BMERB1: variants seen among roughly 807,000 people sequenced by gnomAD.
BMERB1 encodes bMERB domain-containing protein 1.
Under a neutral mutation model 23.6 loss-of-function variants are expected in BMERB1, and 12 were observed. The ratio of observed to expected loss-of-function variants is 0.51; its 90% CI spans 0.33 to 0.82. BMERB1 has a LOEUF of 0.82. BMERB1 is among the 40% of genes least tolerant of loss of function. The pLI, the probability that BMERB1 is intolerant of heterozygous loss-of-function variation, is 0.03. For synonymous variants in BMERB1, 122 were observed against 96.6 expected (o/e 1.26, Z -1.54); for missense variants, 247 against 255.4 (o/e 0.97, Z 0.22).
rs907576610 is a variant in BMERB1, at chr16:15,583,292, C to A, written c.502+54C>A. ...CCCCACAAAAGAGAAAAGTATATTT[C>A]AGGCCAGGCCCACAGTGGATCACGC... On this transcript the variant is annotated intron_variant, in intron 5 of 5. Coordinates refer to ENST00000300006, the MANE Select transcript of BMERB1 (RefSeq NM_033201.3). 4 of 1,407,646 alleles carry A rather than the reference C, an allele frequency of 2.8e-6. No homozygotes were observed. The East Asian group carries it at 6.8e-5, about 24-fold the overall frequency. The allele number at this position is 1,407,646 out of a possible 1,614,324, so 87.2% of individuals were successfully genotyped here. A position where few individuals can be genotyped will look rare whatever the true frequency, so the allele number is the denominator to read the frequency against.
chr16:15,501,504 T>C (rs1385353642), intron 1 of BMERB1, among the ~76,000 whole-genome samples: 1 of 148,378 alleles, frequency 6.7e-6, no homozygotes, highest in Non-Finnish European at 1.5e-5. Flanking sequence ...AGACAGAGTC[T>C]CCCTCTGTTG....
intron 2 of BMERB1, among the ~76,000 whole-genome samples, chr16:15,534,274 T>C (rs1032624472): frequency 7.1e-6 from 1 of 141,322 alleles, no homozygotes; most frequent in Non-Finnish European, 1.5e-5. Context: ...ACCTTGATTT[T>C]TTTTTTAATT....
chr16:15,543,537 C>T (rs2052105668), intron 2 of BMERB1, among the ~76,000 whole-genome samples: 1 of 152,018 alleles, frequency 6.6e-6, no homozygotes, highest in Non-Finnish European at 1.5e-5. Context: ...AGAAAAATTT[C>T]AGGCTGGGCA....
In BMERB1 at chr16:15,534,329, G is replaced by T. The variant is rs191669811; in HGVS notation, c.230+18901G>T. On this transcript the variant is annotated intron_variant, in intron 2 of 5. Coordinates refer to ENST00000300006, the MANE Select transcript of BMERB1 (RefSeq NM_033201.3). The stretch of plus-strand genomic sequence containing the variant: ...AAAAAAAAAAAAGAAAAGGCCAGGC[G>T]CGGTGGCTCACGTCTGTAATCCTAG... 1.2e-3 allele frequency among the ~76,000 whole-genome samples: 180 copies of T among 148,724 alleles called. 1 individual carries two copies. The highest frequency in any genetic ancestry group is 3.5e-3 in the Middle Eastern group (1 of 284).
intron 1 of BMERB1, among the ~76,000 whole-genome samples, chr16:15,458,296 A>G (rs2051102339): frequency 2.0e-5 from 3 of 152,234 alleles, no homozygotes; most frequent in African/African-American, 7.2e-5. Context: ...TTTTGAGGGC[A>G]GAAACCGTGA....
Position 15,467,955 on chromosome 16 carries a change from T to G in BMERB1, c.106+33196T>G, listed in dbSNP as rs187000545. On this transcript the variant is annotated intron_variant, in intron 1 of 5. Coordinates refer to ENST00000300006, the MANE Select transcript of BMERB1 (RefSeq NM_033201.3). ...GCAATTGATTGAAGGAGTTAAGTTA[T>G]TGTCTACAGACTGAGAATCAATAGA... Among the ~76,000 whole-genome samples the G allele has an allele frequency of 3.2e-4, 48 of 152,258 alleles. No individual in the cohort carries two copies. The East Asian group carries it at 9.2e-3, about 29-fold the overall frequency.
intron 1 of BMERB1, among the ~76,000 whole-genome samples, chr16:15,492,880 C>T (rs1324356609): frequency 6.6e-6 from 1 of 151,216 alleles, no homozygotes; most frequent in African/African-American, 2.4e-5. Context: ...GATCATGCCA[C>T]TGCACTCCAG....
chr16:15,528,773 A>G (rs549004609), intron 2 of BMERB1, among the ~76,000 whole-genome samples: 1 of 152,104 alleles, frequency 6.6e-6, no homozygotes, highest in African/African-American at 2.4e-5. Context: ...GTCGACATCT[A>G]ATTCCCAATG....
At chr16:15,498,882 G>GTT (rs951444483) in intron 1 of BMERB1, among the ~76,000 whole-genome samples, 3 of 152,224 alleles carry the variant, frequency 2.0e-5, no homozygotes, top group African/African-American at 7.2e-5. Context: ...AGCCTACAGT[G>GTT]TTTAGCACAG....
intron 2 of BMERB1, among the ~76,000 whole-genome samples, chr16:15,517,999 G>A (rs936248248): frequency 1.3e-5 from 2 of 151,674 alleles, no homozygotes; most frequent in Non-Finnish European, 1.5e-5. Context: ...GTGCATGTGT[G>A]GATGTGTGTG....
intron 2 of BMERB1, among the ~76,000 whole-genome samples, chr16:15,554,246 T>C (rs2030179275): frequency 6.6e-6 from 1 of 152,184 alleles, no homozygotes; most frequent in Admixed American, 6.5e-5. Context: ...TGGGCTCAGA[T>C]CAGACTGCCC....
chr16:15,490,789 A>C (rs2051413227), intron 1 of BMERB1, among the ~76,000 whole-genome samples: 1 of 152,228 alleles, frequency 6.6e-6, no homozygotes, highest in Admixed American at 6.5e-5. Flanking sequence ...GAAGAAGTGA[A>C]GTTCATCTGC....
chr16:15,465,353 A>ATAT (rs372237531), intron 1 of BMERB1, among the ~76,000 whole-genome samples: 8,353 of 133,448 alleles, frequency 0.063, 318 homozygotes, highest in Non-Finnish European at 0.085. Context: ...TAAGATATAT[A>ATAT]TTTTTTTTTT....
chr16:15,443,249 T>C (rs1672240), intron 1 of BMERB1, among the ~76,000 whole-genome samples: 49,621 of 147,284 alleles, frequency 0.34, 9,061 homozygotes, highest in Middle Eastern at 0.51. Context: ...CCTGAGACCC[T>C]GTCTCAAAAA....
intron 1 of BMERB1, among the ~76,000 whole-genome samples, chr16:15,497,882 G>C (rs543856984): frequency 6.6e-6 from 1 of 152,218 alleles, no homozygotes; most frequent in African/African-American, 2.4e-5. Flanking sequence ...CCTGCCCCCG[G>C]GTTCCTGTTC....
At chr16:15,435,310 C>T (rs2050878934) in intron 1 of BMERB1, among the ~76,000 whole-genome samples, 1 of 152,218 alleles carries the variant, frequency 6.6e-6, no homozygotes, top group South Asian at 2.1e-4. Context: ...GGTCAAAAGG[C>T]ACACACCGTT....
At chr16:15,491,298 A>G (rs533512001) in intron 1 of BMERB1, among the ~76,000 whole-genome samples, 25 of 152,040 alleles carry the variant, frequency 1.6e-4, no homozygotes, top group Non-Finnish European at 3.1e-4. Context: ...TCCTATTTCT[A>G]TACTTGCTCC....
chr16:15,500,979 A>G (rs2051523396), intron 1 of BMERB1, among the ~76,000 whole-genome samples: 1 of 152,022 alleles, frequency 6.6e-6, no homozygotes, highest in Admixed American at 6.6e-5. Flanking sequence ...AAAGGGTAAA[A>G]TATACATACT....
chr16:15,525,171 CT>C (rs1230798417), intron 2 of BMERB1, among the ~76,000 whole-genome samples: 1 of 152,192 alleles, frequency 6.6e-6, no homozygotes, highest in Non-Finnish European at 1.5e-5. Flanking sequence ...AGTTGAAGGC[CT>C]GACTACAACA....
Sources: allele counts gnomAD v4.1 joint callset (sites outside exome capture counted in the v4.1 genomes callset), GRCh38; gene constraint gnomAD v4.1.1; transcripts MANE v1.5; gene names NCBI Gene and HGNC (gene_info 2026-07-23, HGNC 2026-07-21).